Variants in USP42 observed in about 807,000 individuals in gnomAD.
USP42 encodes the protein ubiquitin specific peptidase 42.
USP42 carries 23 observed loss-of-function variants against 113.0 expected under a neutral mutation model. The ratio of observed to expected loss-of-function variants is 0.20; its 90% CI spans 0.15 to 0.29. The LOEUF (loss-of-function observed/expected upper bound fraction) is 0.29. USP42 is among the 10% of genes least tolerant of loss of function. The pLI, the probability that USP42 is intolerant of heterozygous loss-of-function variation, is 1.00. For missense variants in USP42, 2,174 were observed against 1,779.8 expected, an observed-to-expected ratio of 1.22 and a Z score of -3.99; for synonymous variants, 933 against 699.0, an observed-to-expected ratio of 1.33 and a Z score of -5.28.
chr7:6,145,529 C>G lies in USP42; in HGVS notation c.1004C>G (p.Pro335Arg), dbSNP rs1291689227. ...GGKIAKDVKY[P>R]EYLDIRPYMS... ...ATTTCCTTCTAGGATGTGAAATACC[C>G]TGAGTATCTTGATATTCGGCCATAT... is the stretch of plus-strand genomic sequence containing the variant. The change falls in exon 10 of 18, where the codon CCT becomes CGT. Residue 335 changes from proline to arginine, a missense_variant. By Grantham distance (103) the Pro-to-Arg change is moderately radical. Transcript: ENST00000306177. The G allele has an allele frequency of 6.2e-7, 1 of 1,613,924 alleles. No homozygotes were observed.
At chr7:6,102,636 G>T (rs541473376), upstream of USP42, among the ~76,000 whole-genome samples, 4 of 150,760 alleles carry the variant, frequency 2.7e-5, no homozygotes, top group South Asian at 8.3e-4. Context: ...TGTGCCTGTG[G>T]GGACACACTG....
intron 14 of USP42, among the ~76,000 whole-genome samples, chr7:6,153,182 A>T (rs1301673370): frequency 6.6e-6 from 1 of 152,094 alleles, no homozygotes; most frequent in Non-Finnish European, 1.5e-5. Context: ...CTGGGTCAGG[A>T]GAATCGCTTG....
intron 15 of USP42, 89 bp from the exon 16 acceptor site, chr7:6,156,665 C>G (rs771825982): frequency 1.4e-6 from 2 of 1,446,740 alleles, no homozygotes; most frequent in Non-Finnish European, 1.8e-6. Context: ...TGAATGTTCT[C>G]GGTGAATGGG....
chr7:6,127,212 G>T (rs926781856), intron 3 of USP42, among the ~76,000 whole-genome samples: 3 of 152,088 alleles, frequency 2.0e-5, no homozygotes, highest in Non-Finnish European at 2.9e-5. Flanking sequence ...AGGATATGTG[G>T]TTTCCAAATG....
chr7:6,143,047 G>A (rs911366965), intron 8 of USP42, 33 bp downstream of exon 8: 12 of 1,610,068 alleles, frequency 7.5e-6, no homozygotes, highest in Admixed American at 1.7e-5. Context: ...TCTTGATGCC[G>A]GCTTCTCCAG....
intron 14 of USP42, among the ~76,000 whole-genome samples, chr7:6,152,764 C>A (rs761523020): frequency 3.9e-5 from 6 of 152,208 alleles, no homozygotes; most frequent in Non-Finnish European, 8.8e-5. Flanking sequence ...CTGCGGGAAT[C>A]AAAGGACAAA....
In USP42 at chr7:6,157,383, T is replaced by G. The variant is rs113078258; in HGVS notation, c.3943+328T>G. 8.4e-3 allele frequency: 8,394 copies of G among 994,522 alleles called. 494 individuals carry two copies. In the African/African-American group the frequency reaches 0.13, roughly 15 times the overall value. 61.6% of individuals were successfully genotyped at this position (994,522 alleles called of 1,614,324 possible). A position where few individuals can be genotyped will look rare whatever the true frequency, so the allele number is the denominator to read the frequency against. ...CAGAACTCTTGGTTTGGTTTGGTTTTATTTTATTTTATTTTATTTATTTTA... is the reference window on the plus strand; with the variant it reads ...CAGAACTCTTGGTTTGGTTTGGTTTGATTTTATTTTATTTTATTTATTTTA... On this transcript the variant is annotated intron_variant, in intron 16 of 17. Coordinates refer to ENST00000306177, the MANE Select transcript of USP42 (RefSeq NM_032172.3). The surrounding 1 kb of genome is among the most constrained non-coding windows in gnomAD (Gnocchi z 4.1).
Position 6,157,380 on chromosome 7 carries a change from TTTTA to T in USP42, c.3943+329_3943+332del. ...GACCAGAACTCTTGGTTTGGTTTGG[TTTTA>T]TTTTATTTTATTTTATTTATTTTAT... On this transcript the variant is annotated intron_variant, in intron 16 of 17. Transcript: ENST00000306177. The surrounding 1 kb of genome is among the most constrained non-coding windows in gnomAD (Gnocchi z 4.1). The T allele has an allele frequency of 1.0e-6, 1 of 993,496 alleles. No homozygotes were observed. The allele number at this position is 993,496 out of a possible 1,614,324, so 61.5% of individuals were successfully genotyped here.
intron 3 of USP42, among the ~76,000 whole-genome samples, chr7:6,128,605 T>C (rs1007084203): frequency 6.6e-6 from 1 of 152,212 alleles, no homozygotes; most frequent in Non-Finnish European, 1.5e-5. Context: ...TCTGCTGCTC[T>C]AGGCTGGGTG....
At position 6,139,725 on chromosome 7, in the gene USP42, C is replaced by T. The variant is rs941026483; in HGVS notation, c.657-403C>T. On this transcript the variant is annotated intron_variant, in intron 5 of 17. Transcript: ENST00000306177. The surrounding 1 kb of genome is among the most constrained non-coding windows in gnomAD (Gnocchi z 4.5). ...CCTCTGCATTCTCCCTGCCCTGGCA[C>T]CGCCCTGTCTAGGACTTCATTGTCC... 7.6e-6 allele frequency: 2 copies of T among 263,322 alleles called. No homozygotes were observed. Among genetic ancestry groups the T allele is most frequent in the Admixed American group, 5.1e-5 (1 of 19,656 alleles). 16.3% of individuals were successfully genotyped at this position (263,322 alleles called of 1,614,324 possible). A position where few individuals can be genotyped will look rare whatever the true frequency, so the allele number is the denominator to read the frequency against.
At chr7:6,102,171 A>T (rs1790146660), upstream of USP42, among the ~76,000 whole-genome samples, 1 of 137,366 alleles carries the variant, frequency 7.3e-6, no homozygotes, top group African/African-American at 2.9e-5. Context: ...GCTAGAGTGC[A>T]GTGTCGCGAT....
At chr7:6,089,771 T>A in the USP42 span, among the ~76,000 whole-genome samples, 1 of 150,556 alleles carries the variant, frequency 6.6e-6, no homozygotes, top group Non-Finnish European at 1.5e-5. Context: ...GACCTCGTGA[T>A]CTGCCCACCT....
At chr7:6,113,566 C>T (rs943206383) in intron 2 of USP42, among the ~76,000 whole-genome samples, 2 of 152,158 alleles carry the variant, frequency 1.3e-5, no homozygotes, top group African/African-American at 4.8e-5. Flanking sequence ...TAATAAGTCT[C>T]TTCAGATGGA....
rs774767617 is a variant in USP42 at position 6,154,032 on chromosome 7, C to A, written c.2478C>A (p.Gly826=). Residue 826 remains glycine (G), a synonymous_variant, in exon 15 of 18, where the codon GGC becomes GGA. Coordinates refer to ENST00000306177, the MANE Select transcript of USP42 (RefSeq NM_032172.3). ...PDLCDPGSLT[G]DASPLSQDAK... ...TGTGTGATCCCGGGAGCTTAACAGG[C>A]GATGCGAGCCCGTTGTCCCAGGACG... 1 of 1,604,902 alleles carries A rather than the reference C, an allele frequency of 6.2e-7. No individual in the cohort carries two copies. Among genetic ancestry groups the A allele is most frequent in the East Asian group, 2.2e-5 (1 of 44,856 alleles).
chr7:6,104,307 C>T (rs1037747030), upstream of USP42, among the ~76,000 whole-genome samples: 5 of 151,876 alleles, frequency 3.3e-5, 1 homozygote, highest in African/African-American at 1.2e-4. Flanking sequence ...TAGTCTCGAA[C>T]TCCTGACCTC....
intron 3 of USP42, among the ~76,000 whole-genome samples, chr7:6,122,111 TCTG>T (rs1780258292): frequency 6.6e-6 from 1 of 152,128 alleles, no homozygotes; most frequent in Non-Finnish European, 1.5e-5. Context: ...TTCCATTTCT[TCTG>T]CTTACTTTGG....
rs202055244 is a variant in USP42, at chr7:6,154,134, T to G, written c.2580T>G (p.Pro860=). The G allele has an allele frequency of 1.6e-3, 2,512 of 1,597,924 alleles. 8 individuals are homozygous for G. Among genetic ancestry groups the G allele is most frequent in the Non-Finnish European group, 1.7e-3 (2,002 of 1,173,876 alleles). ...EAPEGLSPAP[P]ARSEEPCEQP... ...CGGAAGGGTTGAGTCCGGCTCCGCC[T>G]GCGCGGTCGGAGGAGCCCTGCGAGC... The change falls in exon 15 of 18, where the codon CCT becomes CCG. Residue 860 remains proline (P), a synonymous_variant. Coordinates refer to ENST00000306177, the MANE Select transcript of USP42 (RefSeq NM_032172.3).
intron 14 of USP42, among the ~76,000 whole-genome samples, chr7:6,151,073 T>G (rs1201250864): frequency 1.3e-5 from 2 of 152,152 alleles, no homozygotes; most frequent in Non-Finnish European, 2.9e-5. Flanking sequence ...TACAGTGGTA[T>G]TTGTGTATCT....
chr7:6,119,630 C>G (rs1448848522), intron 3 of USP42, among the ~76,000 whole-genome samples: 6 of 152,268 alleles, frequency 3.9e-5, no homozygotes, highest in African/African-American at 1.4e-4. Context: ...TGAATTGACA[C>G]CTAAACAGTA....
Sources: gnomAD v4.1 joint callset for allele counts (sites outside exome capture counted in the v4.1 genomes callset) on GRCh38, gnomAD v4.1.1 for gene constraint, Gnocchi (gnomAD v3.1) non-coding constraint, MANE v1.5 for transcripts, NCBI Gene and HGNC (gene_info 2026-07-23, HGNC 2026-07-21) for gene names.